RBM22: variants seen among roughly 807,000 people sequenced by gnomAD.
RBM22 encodes the protein RNA binding motif protein 22.
A neutral mutation model predicts 50.1 loss-of-function variants in RBM22; 1 was observed. That is an observed-to-expected ratio of 0.02 (90% CI 0.01 to 0.09). RBM22 has a LOEUF of 0.09. Among genes scored for constraint, RBM22 ranks in the 10% least tolerant of loss-of-function variants. The pLI, the probability that RBM22 is intolerant of heterozygous loss-of-function variation, is 1.00. For synonymous variants in RBM22, 152 were observed against 179.0 expected, an observed-to-expected ratio of 0.85 and a Z score of 1.20; for missense variants, 264 against 529.3, an observed-to-expected ratio of 0.50 and a Z score of 4.92.
chr5:150,694,243 G>A lies in RBM22; in HGVS notation c.747-3C>T. 1 of 1,607,264 alleles carries A rather than the reference G, an allele frequency of 6.2e-7. No homozygotes were observed. Among genetic ancestry groups the A allele is most frequent in the African/African-American group, 1.3e-5 (1 of 74,754 alleles). ...CTCCGAACTGGTAGAAATGATTTCTGAAGGGAAACAGGCAGAGAAAAATGA... is the reference window on the plus strand; with the variant it reads ...CTCCGAACTGGTAGAAATGATTTCTAAAGGGAAACAGGCAGAGAAAAATGA... On this transcript the variant is annotated splice_region_variant and splice_polypyrimidine_tract_variant and intron_variant, in intron 7 of 10. Transcript: ENST00000199814.
intron 2 of RBM22, among the ~76,000 whole-genome samples, 156 bp downstream of exon 2, chr5:150,700,288 G>C (rs937422639): frequency 6.6e-6 from 1 of 152,218 alleles, no homozygotes; most frequent in African/African-American, 2.4e-5. Context: ...GGATTCGTAA[G>C]AGAATACACA....
rs1759205988 is a variant in RBM22, at chr5:150,691,364, A to T, written c.*387T>A. The T allele has an allele frequency of 6.4e-6, 1 of 155,788 alleles. No homozygotes were observed. The highest frequency in any genetic ancestry group is 6.5e-5 in the Admixed American group (1 of 15,380). 9.7% of individuals were successfully genotyped at this position (155,788 alleles called of 1,614,324 possible). A position where few individuals can be genotyped will look rare whatever the true frequency, so the allele number is the denominator to read the frequency against. On this transcript the variant is annotated 3_prime_UTR_variant, in exon 11 of 11. Coordinates refer to ENST00000199814, the MANE Select transcript of RBM22 (RefSeq NM_018047.3). ...AAAAAGGAAAGTATCCAATGGACAT[A>T]AAAATGGTCAAAGGTTTTTTTACTG...
intron 10 of RBM22, 108 bp downstream of exon 10, chr5:150,692,787 C>A: frequency 7.8e-7 from 1 of 1,280,510 alleles, no homozygotes; most frequent in Non-Finnish European, 1.1e-6. Context: ...TGGTAGACTT[C>A]TACAGAGCAA....
chr5:150,696,771 T>C lies in RBM22; in HGVS notation c.372+20A>G, dbSNP rs763713461. 7.4e-6 allele frequency: 12 copies of C among 1,613,742 alleles called. 1 individual carries two copies. In the South Asian group the frequency reaches 1.1e-4, roughly 15 times the overall value. On this transcript the variant is annotated intron_variant, in intron 5 of 10. Transcript: ENST00000199814. This position sits in a 1 kb window ranked among gnomAD's most constrained non-coding sequence, Gnocchi z 4.3. ...CTGTGTCAATTCATTAGGATTTTTA[T>C]CCAAAAAGTGGCAGCATACCTCTCT...
chr5:150,693,419 C>T, intron 8 of RBM22, 112 bp from the exon 9 acceptor site: 1 of 798,366 alleles, frequency 1.3e-6, no homozygotes, highest in East Asian at 2.5e-5. Context: ...CTCCTCAGCA[C>T]ACACTCTTTT....
rs781745477 is a variant in RBM22, at chr5:150,692,892, T to C, written c.1132+3A>G. The stretch of plus-strand genomic sequence containing the variant: ...CTGGGCTAAGAAGGAAGATGGAAGT[T>C]ACCTGGGGGTGGGGGTGGAGCAATG... On this transcript the variant is annotated splice_donor_region_variant and intron_variant, in intron 10 of 10. Transcript: ENST00000199814. 6 of 1,581,850 alleles carry C rather than the reference T, an allele frequency of 3.8e-6. No homozygotes were observed. Among genetic ancestry groups the C allele is most frequent in the African/African-American group, 2.8e-5 (2 of 72,054 alleles).
At chr5:150,694,007 T>C in intron 8 of RBM22, 69 bp downstream of exon 8, 2 of 1,559,706 alleles carry the variant, frequency 1.3e-6, no homozygotes, top group Non-Finnish European at 1.7e-6. Flanking sequence ...AGCCTACTAG[T>C]CTCCAGAAAA....
intron 8 of RBM22, among the ~76,000 whole-genome samples, chr5:150,693,834 T>C (rs1294749439): frequency 1.3e-5 from 2 of 152,158 alleles, no homozygotes; most frequent in African/African-American, 4.8e-5. Flanking sequence ...TAATAGCTAG[T>C]CACAAAAACA....
At chr5:150,698,940 CT>C (rs1192757214) in intron 3 of RBM22, among the ~76,000 whole-genome samples, 2 of 152,232 alleles carry the variant, frequency 1.3e-5, no homozygotes, top group East Asian at 1.9e-4. Context: ...TTTTGAGAAG[CT>C]TCTGACAAGA....
At chr5:150,698,351 TG>T in intron 4 of RBM22, 147 bp downstream of exon 4, 1 of 1,063,130 alleles carries the variant, frequency 9.4e-7, no homozygotes, top group Non-Finnish European at 1.4e-6. Flanking sequence ...GGCCTAATTA[TG>T]GTTCTTTTCC....
Position 150,691,632 on chromosome 5 carries a change from T to G in RBM22, c.*119A>C. 8.1e-7 allele frequency: 1 copy of G among 1,232,040 alleles called. No homozygotes were observed. Among genetic ancestry groups the G allele is most frequent in the Non-Finnish European group, 1.1e-6 (1 of 925,596 alleles). The allele number at this position is 1,232,040 out of a possible 1,614,324, so 76.3% of individuals were successfully genotyped here. The stretch of plus-strand genomic sequence containing the variant: ...GGCTGTCAGTCTCTGACTGCTCACA[T>G]CTGAGCACATTCAGCTACCATGGAA... On this transcript the variant is annotated 3_prime_UTR_variant, in exon 11 of 11. Coordinates refer to ENST00000199814, the MANE Select transcript of RBM22 (RefSeq NM_018047.3).
intron 4 of RBM22, among the ~76,000 whole-genome samples, chr5:150,698,176 T>C (rs1394809422): frequency 6.6e-6 from 1 of 152,146 alleles, no homozygotes; most frequent in Non-Finnish European, 1.5e-5. Context: ...ATTGGGATGG[T>C]GGAAAAAAGC....
intron 10 of RBM22, 108 bp from the exon 11 acceptor site, chr5:150,691,989 A>G (rs1277010095): frequency 4.1e-6 from 5 of 1,219,130 alleles, no homozygotes; most frequent in African/African-American, 3.1e-5. Flanking sequence ...ATCAAGGTTG[A>G]CACGGGGCTT....
chr5:150,700,304 G>A, intron 2 of RBM22, 140 bp downstream of exon 2: 1 of 776,324 alleles, frequency 1.3e-6, no homozygotes. Context: ...ACACATGACA[G>A]TTCTTTGCAA....
intron 2 of RBM22, 55 bp downstream of exon 2, chr5:150,700,389 A>C: frequency 6.6e-7 from 1 of 1,519,008 alleles, no homozygotes; most frequent in East Asian, 2.3e-5. Context: ...CACAGTGTGC[A>C]AGTACCACAA....
rs764227456 is a variant in RBM22, at chr5:150,695,539, C to T, written c.713G>A (p.Gly238Asp). The change falls in exon 7 of 11, where the codon GGT becomes GAT. Residue 238 changes from glycine (G) to aspartate (D), a missense_variant. Coordinates refer to ENST00000199814, the MANE Select transcript of RBM22 (RefSeq NM_018047.3). The part of the protein sequence containing the change: ...DKTITTLYVG[G>D]LGDTITETDL... ...TGTCTCAGTAATGGTATCACCTAGA[C>T]CACCAACATATAGTGTGGTGATAGT... 1 of 1,614,000 alleles carries T rather than the reference C, an allele frequency of 6.2e-7. No homozygotes were observed. Among genetic ancestry groups the T allele is most frequent in the Non-Finnish European group, 8.5e-7 (1 of 1,179,934 alleles).
At chr5:150,692,169 G>C (rs1759217558) in intron 10 of RBM22, among the ~76,000 whole-genome samples, 2 of 152,180 alleles carry the variant, frequency 1.3e-5, no homozygotes, top group South Asian at 4.1e-4. Flanking sequence ...GATTCAGTCA[G>C]GATTTGGGAG....
chr5:150,695,472 G>A (rs1490281593), intron 7 of RBM22, 34 bp downstream of exon 7: 1 of 1,543,200 alleles, frequency 6.5e-7, no homozygotes, highest in Non-Finnish European at 8.9e-7. Context: ...GGCAGTTAAA[G>A]GCAAAAATAA....
chr5:150,700,926 A>T lies in RBM22; in HGVS notation c.54+6T>A, dbSNP rs1458431401. ...CCTTCCATCCTCCTCCGGCAGGCAC[A>T]CTCACCGCATCCTCCCAGTTCTGCC... On this transcript the variant is annotated splice_donor_region_variant and intron_variant, in intron 1 of 10. Coordinates refer to ENST00000199814, the MANE Select transcript of RBM22 (RefSeq NM_018047.3). 3 of 1,613,952 alleles carry T rather than the reference A, an allele frequency of 1.9e-6. No individual in the cohort carries two copies. The African/African-American group carries it at 4.0e-5, about 22-fold the overall frequency.
Sources: allele counts gnomAD v4.1 joint callset (sites outside exome capture counted in the v4.1 genomes callset), GRCh38; gene constraint gnomAD v4.1.1; non-coding constraint Gnocchi (gnomAD v3.1); transcripts MANE v1.5; gene names NCBI Gene and HGNC (gene_info 2026-07-23, HGNC 2026-07-21).